Variants in CARMIL1 observed in about 807,000 individuals in gnomAD.
CARMIL1 encodes the protein F-actin-uncapping protein LRRC16A.
A neutral mutation model predicts 177.1 loss-of-function variants in CARMIL1; 90 were observed. The observed-to-expected ratio is 0.51, with a 90% CI of 0.43 to 0.61. CARMIL1 has a LOEUF of 0.61. Ranked by LOEUF, CARMIL1 falls within the 20% of genes least tolerant of loss-of-function variation. CARMIL1 has a pLI of 0.00. For synonymous variants in CARMIL1, 577 were observed against 606.2 expected, an observed-to-expected ratio of 0.95 and a Z score of 0.71; for missense variants, 1,380 against 1,667.0, an observed-to-expected ratio of 0.83 and a Z score of 3.00.
In CARMIL1 at chr6:25,600,530, G is replaced by A. The variant is rs1815287074; in HGVS notation, c.3336G>A (p.Lys1112=). The change falls in exon 33 of 37, where the codon AAG becomes AAA. Residue 1112 remains lysine, a synonymous_variant. Transcript: ENST00000329474. ...PPVDCPRKDT[K]AAEHNGNSER... ...TGGACTGTCCCAGGAAGGACACAAA[G>A]GCCGCCGAGCACAATGGCAATTCTG... 6.2e-7 allele frequency: 1 copy of A among 1,613,912 alleles called. No homozygotes were observed. Among genetic ancestry groups the A allele is most frequent in the Admixed American group, 1.7e-5 (1 of 60,010 alleles).
chr6:25,554,116 T>C lies in CARMIL1; in HGVS notation c.2592+20T>C. On this transcript the variant is annotated intron_variant, in intron 28 of 36. Transcript: ENST00000329474. This position sits in a 1 kb window ranked among gnomAD's most constrained non-coding sequence, Gnocchi z 4.6. ...AAACTGGTGAGTGCTGTGCACATCTTGAGCAGGACCTCCTGTTTCAGCTCT... is the reference window on the plus strand; with the variant it reads ...AAACTGGTGAGTGCTGTGCACATCTCGAGCAGGACCTCCTGTTTCAGCTCT... The C allele has an allele frequency of 6.5e-7, 1 of 1,540,434 alleles. No individual in the cohort carries two copies. Among genetic ancestry groups the C allele is most frequent in the Middle Eastern group, 1.7e-4 (1 of 5,928 alleles).
intron 2 of CARMIL1, among the ~76,000 whole-genome samples, chr6:25,307,024 G>T (rs192545904): frequency 2.3e-4 from 35 of 151,944 alleles, no homozygotes; most frequent in African/African-American, 8.0e-4. Context: ...GCTTACAGGC[G>T]CCTGCCACCA....
chr6:25,416,182 C>T (rs1297793975), intron 2 of CARMIL1, among the ~76,000 whole-genome samples: 1 of 152,136 alleles, frequency 6.6e-6, no homozygotes, highest in African/African-American at 2.4e-5. Flanking sequence ...GATATCCAAA[C>T]ATCTCTCATT....
chr6:25,294,967 C>A (rs553003581), intron 2 of CARMIL1, among the ~76,000 whole-genome samples: 1 of 152,274 alleles, frequency 6.6e-6, no homozygotes, highest in East Asian at 1.9e-4. Flanking sequence ...CTGTGTTCCT[C>A]CAGGCAGGGT....
chr6:25,382,913 G>A (rs1045818770), intron 2 of CARMIL1, among the ~76,000 whole-genome samples: 5 of 152,192 alleles, frequency 3.3e-5, no homozygotes, highest in African/African-American at 1.2e-4. Flanking sequence ...GGGATTACAG[G>A]CATGAGCCAC....
At chr6:25,330,913 G>T (rs78158537) in intron 2 of CARMIL1, among the ~76,000 whole-genome samples, 7,789 of 146,394 alleles carry the variant, frequency 0.053, 308 homozygotes, top group Non-Finnish European at 0.088. Flanking sequence ...TTTTTTTGAG[G>T]AGGAGGGAGG....
chr6:25,509,819 TC>T lies in CARMIL1; in HGVS notation c.1477+84del. On this transcript the variant is annotated intron_variant, in intron 18 of 36. Transcript: ENST00000329474. This position sits in a 1 kb window ranked among gnomAD's most constrained non-coding sequence, Gnocchi z 4.1. ...AGGGGAAAATAATCTTCTACCCAAA[TC>T]CAAACAATAGCTTAATAAAAAAATT... 1.0e-6 allele frequency: 1 copy of T among 959,808 alleles called. No homozygotes were observed. Among genetic ancestry groups the T allele is most frequent in the Non-Finnish European group, 1.6e-6 (1 of 634,456 alleles). 59.5% of individuals were successfully genotyped at this position (959,808 alleles called of 1,614,324 possible).
chr6:25,610,979 CGTT>C (rs773841077), intron 36 of CARMIL1, among the ~76,000 whole-genome samples: 1 of 152,080 alleles, frequency 6.6e-6, no homozygotes, highest in South Asian at 2.1e-4. Context: ...AGAAGGCTCT[CGTT>C]GTGGTTTGGA....
intron 2 of CARMIL1, among the ~76,000 whole-genome samples, chr6:25,340,091 C>T (rs1581618943): frequency 6.6e-6 from 1 of 152,258 alleles, no homozygotes; most frequent in Non-Finnish European, 1.5e-5. Context: ...TTGCCCATAT[C>T]CTTAAGATGT....
intron 9 of CARMIL1, among the ~76,000 whole-genome samples, chr6:25,468,996 C>A (rs944612583): frequency 6.6e-6 from 1 of 152,134 alleles, no homozygotes; most frequent in Non-Finnish European, 1.5e-5. Flanking sequence ...TTTATCATGA[C>A]AACACAGAAT....
chr6:25,584,916 A>G (rs1813494701), intron 31 of CARMIL1, among the ~76,000 whole-genome samples: 1 of 152,148 alleles, frequency 6.6e-6, no homozygotes, highest in Non-Finnish European at 1.5e-5. Flanking sequence ...TTCTAGAGAG[A>G]TTTCACCTTT....
At chr6:25,294,371 A>G (rs147022377) in intron 2 of CARMIL1, among the ~76,000 whole-genome samples, 153 of 152,246 alleles carry the variant, frequency 1.0e-3, no homozygotes, top group African/African-American at 3.3e-3. Flanking sequence ...ATTTATTGAG[A>G]CCTTGCCCTC....
intron 23 of CARMIL1, among the ~76,000 whole-genome samples, chr6:25,527,425 G>A (rs1226314776): frequency 6.6e-6 from 1 of 152,194 alleles, no homozygotes; most frequent in African/African-American, 2.4e-5. Flanking sequence ...TTCTGAGAAA[G>A]CAAACTTCTC....
At chr6:25,584,026 C>CTTTTTTTTTTTTTTTTTTT (rs71544648) in intron 31 of CARMIL1, among the ~76,000 whole-genome samples, 6 of 119,142 alleles carry the variant, frequency 5.0e-5, no homozygotes, top group Admixed American at 9.0e-5. Context: ...TTTTCTTTTT[C>CTTTTTTTTTTTTTTTTTTT]TTTTTTTTTT....
At chr6:25,320,223 G>A (rs1784578689) in intron 2 of CARMIL1, among the ~76,000 whole-genome samples, 1 of 152,160 alleles carries the variant, frequency 6.6e-6, no homozygotes, top group Non-Finnish European at 1.5e-5. Flanking sequence ...GAGGAGTAGT[G>A]GGAACATTGG....
intron 2 of CARMIL1, among the ~76,000 whole-genome samples, chr6:25,403,205 T>TG (rs1372620820): frequency 1.3e-5 from 2 of 152,080 alleles, no homozygotes; most frequent in African/African-American, 4.8e-5. Context: ...TAAACCAAAC[T>TG]GTTACCTTAG....
chr6:25,614,371 ACTTTT>A (rs895795090), intron 36 of CARMIL1, among the ~76,000 whole-genome samples: 2 of 152,178 alleles, frequency 1.3e-5, no homozygotes, highest in African/African-American at 4.8e-5. Context: ...TTGACCCTTT[ACTTTT>A]ATAGAGTATC....
chr6:25,556,776 C>T lies in CARMIL1; in HGVS notation c.2668C>T (p.Pro890Ser), dbSNP rs1396997785. 1.9e-6 allele frequency: 3 copies of T among 1,613,574 alleles called. No homozygotes were observed. The South Asian group carries it at 3.3e-5, about 18-fold the overall frequency. The change falls in exon 29 of 37, where the codon CCA (proline) becomes TCA (serine). Residue 890 changes from proline (P) to serine (S), a missense_variant. By Grantham distance (74) the Pro-to-Ser change is moderately conservative. Transcript: ENST00000329474. ...SLEIELAEEK[P>S]VKRSIITVEE... ...AGAGATCGAGCTGGCTGAGGAGAAG[C>T]CAGTTAAACGTTCCATCATCACAGT...
chr6:25,471,547 G>A (rs1801104840), intron 10 of CARMIL1, among the ~76,000 whole-genome samples: 1 of 152,054 alleles, frequency 6.6e-6, no homozygotes, highest in African/African-American at 2.4e-5. Flanking sequence ...AGTTGTTTAC[G>A]CTTTCTGTGC....
Sources: gnomAD v4.1 joint callset for allele counts (sites outside exome capture counted in the v4.1 genomes callset) on GRCh38, gnomAD v4.1.1 for gene constraint, Gnocchi (gnomAD v3.1) non-coding constraint, MANE v1.5 for transcripts, NCBI Gene and HGNC (gene_info 2026-07-23, HGNC 2026-07-21) for gene names.